The following CCNG1 variants were observed in gnomAD, a reference collection of about 807,000 sequenced individuals.
The protein encoded by CCNG1 is cyclin-G1.
Under a neutral mutation model 30.0 loss-of-function variants are expected in CCNG1, and 13 were observed. That is an observed-to-expected ratio of 0.43 (90% confidence interval 0.28 to 0.69). CCNG1 has a LOEUF of 0.69. Among genes scored for constraint, CCNG1 ranks in the 30% least tolerant of loss-of-function variants. CCNG1 has a pLI of 0.16. For missense variants in CCNG1, 285 were observed against 331.4 expected (o/e 0.86, Z 1.09); for synonymous variants, 110 against 121.5 (o/e 0.91, Z 0.62).
chr5:163,439,225 C>T (rs751113628), intron 1 of CCNG1, 32 bp from the exon 2 acceptor site: 2 of 1,594,664 alleles, frequency 1.3e-6, no homozygotes, highest in Non-Finnish European at 8.6e-7. Context: ...ACTACTCTTA[C>T]ACTCCTTGCT....
the CCNG1 span, chr5:163,457,472 C>G: frequency 3.7e-6 from 3 of 806,334 alleles, no homozygotes; most frequent in East Asian, 7.5e-5. Flanking sequence ...TCTTTCAAAG[C>G]TGCAAAGACA....
chr5:163,447,228 GATTGCTT>G (rs1437144826), downstream of CCNG1: 1 of 152,600 alleles, frequency 6.6e-6, no homozygotes, highest in Non-Finnish European at 1.5e-5. Flanking sequence ...AAGGTGGGAG[GATTGCTT>G]GAGGCCAAGA....
chr5:163,456,488 A>G, the CCNG1 span, among the ~76,000 whole-genome samples: 1 of 152,110 alleles, frequency 6.6e-6, no homozygotes, highest in Non-Finnish European at 1.5e-5. Flanking sequence ...ATAAAAAAGC[A>G]ACAAGAAGAA....
At chr5:163,454,043 C>A in the CCNG1 span, 2 of 1,539,990 alleles carry the variant, frequency 1.3e-6, no homozygotes, top group Non-Finnish European at 8.8e-7. Flanking sequence ...GAAGTCAAAA[C>A]CAGGATTCTA....
intron 2 of CCNG1, among the ~76,000 whole-genome samples, chr5:163,440,193 T>C: frequency 6.6e-6 from 1 of 152,090 alleles, no homozygotes; most frequent in Non-Finnish European, 1.5e-5. Context: ...ACACAGTGCA[T>C]CATAAAAAAG....
chr5:163,441,758 A>G (rs925775746), intron 3 of CCNG1, 128 bp from the exon 4 acceptor site: 3 of 627,966 alleles, frequency 4.8e-6, no homozygotes, highest in Non-Finnish European at 8.5e-6. Context: ...ATTCCTTTCA[A>G]TAGTTCATTT....
At chr5:163,443,434 T>C (rs1187134997) in intron 6 of CCNG1, among the ~76,000 whole-genome samples, 1 of 152,190 alleles carries the variant, frequency 6.6e-6, no homozygotes, top group Non-Finnish European at 1.5e-5. Flanking sequence ...GCTGGACTAC[T>C]GCAAAGTAGT....
the CCNG1 span, chr5:163,451,466 G>A: frequency 1.3e-5 from 2 of 152,050 alleles, no homozygotes; most frequent in African/African-American, 2.4e-5. Flanking sequence ...CTGTGGAGGT[G>A]TTTACACATA....
the CCNG1 span, among the ~76,000 whole-genome samples, chr5:163,455,444 C>G: frequency 3.9e-5 from 6 of 152,190 alleles, no homozygotes; most frequent in African/African-American, 1.2e-4. Context: ...TGAGAAGTGG[C>G]ATGATGTGAC....
Position 163,438,721 on chromosome 5 carries a change from T to C in CCNG1, c.1-536T>C, listed in dbSNP as rs2069342. The stretch of plus-strand genomic sequence containing the variant: ...CAAGTATTTCTTGAAGATTTGCATT[T>C]TATTTTTCTAAAAAGCATGGTTCCG... On this transcript the variant is annotated intron_variant, in intron 1 of 6. Coordinates refer to ENST00000340828, the MANE Select transcript of CCNG1 (RefSeq NM_004060.4). 5.9e-3 allele frequency among the ~76,000 whole-genome samples: 895 copies of C among 152,318 alleles called. 11 individuals carry two copies. Among genetic ancestry groups the C allele is most frequent in the African/African-American group, 0.019 (788 of 41,568 alleles).
In CCNG1 at chr5:163,442,447, G is replaced by C; in HGVS notation, c.770G>C (p.Cys257Ser). The change falls in exon 6 of 7, where the codon TGT (cysteine) becomes TCT (serine). Residue 257 changes from cysteine (C) to serine (S), a missense_variant. Transcript: ENST00000340828. ...TTAACTGAATATTCATCAAATAAGT[G>C]TTCCAAACCAAATGTTCAGAAGTTG... ...KCLTEYSSNK[C>S]SKPNVQKLKW... 1.2e-6 allele frequency: 2 copies of C among 1,613,958 alleles called. No homozygotes were observed. Among genetic ancestry groups the C allele is most frequent in the Non-Finnish European group, 1.7e-6 (2 of 1,179,864 alleles).
intron 6 of CCNG1, among the ~76,000 whole-genome samples, chr5:163,443,311 CAAAAAAAAA>C (rs35396845): frequency 2.2e-5 from 2 of 90,204 alleles, no homozygotes; most frequent in Middle Eastern, 5.8e-3. Context: ...GACTCCGCCA[CAAAAAAAAA>C]AAAAAAAAGA....
chr5:163,446,457 A>C (rs1758039168), downstream of CCNG1: 1 of 152,192 alleles, frequency 6.6e-6, no homozygotes, highest in Non-Finnish European at 1.5e-5. Context: ...TTCTGACTCC[A>C]GAGGCTGTGC....
At chr5:163,455,285 G>T in the CCNG1 span, among the ~76,000 whole-genome samples, 1 of 152,222 alleles carries the variant, frequency 6.6e-6, no homozygotes, top group Non-Finnish European at 1.5e-5. Flanking sequence ...GATAGCAAAG[G>T]GATGGGCTGA....
At chr5:163,457,218 G>A in the CCNG1 span, 16 of 859,178 alleles carry the variant, frequency 1.9e-5, no homozygotes, top group African/African-American at 5.4e-5. Context: ...TGAAACCTCC[G>A]CCCCCCGGGT....
chr5:163,438,823 C>G (rs766729254), intron 1 of CCNG1, among the ~76,000 whole-genome samples: 1 of 152,008 alleles, frequency 6.6e-6, no homozygotes, highest in Non-Finnish European at 1.5e-5. Flanking sequence ...GCCAGGAGAC[C>G]GAGACCATCC....
At chr5:163,441,353 C>A in intron 3 of CCNG1, 22 bp downstream of exon 3, 2 of 1,602,836 alleles carry the variant, frequency 1.2e-6, no homozygotes, top group South Asian at 2.2e-5. Context: ...TTGTTTTGAA[C>A]AAGAGACATT....
At position 163,442,458 on chromosome 5, in the gene CCNG1, A is replaced by T; in HGVS notation, c.781A>T (p.Asn261Tyr). The T allele has an allele frequency of 6.2e-7, 1 of 1,614,074 alleles. No homozygotes were observed. The highest frequency in any genetic ancestry group is 8.5e-7 in the Non-Finnish European group (1 of 1,179,918). Reference protein sequence around the residue: ...EYSSNKCSKPNVQKLKWIVSG... With the variant: ...EYSSNKCSKPYVQKLKWIVSG... ...TTCATCAAATAAGTGTTCCAAACCAAATGTTCAGAAGTTGAAATGGATTGT... is the reference window on the plus strand; with the variant it reads ...TTCATCAAATAAGTGTTCCAAACCATATGTTCAGAAGTTGAAATGGATTGT... The change falls in exon 6 of 7, where the codon AAT (asparagine) becomes TAT (tyrosine). Residue 261 changes from asparagine (N) to tyrosine (Y), a missense_variant. Physicochemically the swap from Asn to Tyr is moderately radical, Grantham distance 143. Transcript: ENST00000340828.
At position 163,442,554 on chromosome 5, in the gene CCNG1, A is replaced by G; in HGVS notation, c.877A>G (p.Met293Val). The change falls in exon 6 of 7, where the codon ATG becomes GTG. Residue 293 changes from methionine (M) to valine (V), a missense_variant. Coordinates refer to ENST00000340828, the MANE Select transcript of CCNG1 (RefSeq NM_004060.4). ...AACTCACCTTCCAACAATTCCTGAA[A>G]TGGTCCCTTAACTGGTAAATTTGGT... ...RITHLPTIPE[M>V]VP 1 of 1,608,768 alleles carries G rather than the reference A, an allele frequency of 6.2e-7. No individual in the cohort carries two copies. The highest frequency in any genetic ancestry group is 8.5e-7 in the Non-Finnish European group (1 of 1,177,728).
Sources: allele counts gnomAD v4.1 joint callset (sites outside exome capture counted in the v4.1 genomes callset), GRCh38; gene constraint gnomAD v4.1.1; transcripts MANE v1.5; gene names NCBI Gene and HGNC (gene_info 2026-07-23, HGNC 2026-07-21).